PLD5: variants seen among roughly 807,000 people sequenced by gnomAD.
PLD5 encodes inactive phospholipase D5.
PLD5 carries 36 observed loss-of-function variants against 61.1 expected under a neutral mutation model. The observed-to-expected ratio is 0.59, with a 90% CI of 0.45 to 0.78. The LOEUF (loss-of-function observed/expected upper bound fraction) is 0.78. Ranked by LOEUF, PLD5 falls within the 30% of genes least tolerant of loss-of-function variation. PLD5 has a pLI of 0.00. For missense variants in PLD5, 515 were observed against 644.4 expected (o/e 0.80, Z 2.17); for synonymous variants, 243 against 242.8 (o/e 1.00, Z -0.01).
chr1:242,432,586 G>A (rs73135745), intron 1 of PLD5, among the ~76,000 whole-genome samples: 8,911 of 152,234 alleles, frequency 0.059, 848 homozygotes, highest in African/African-American at 0.2. Flanking sequence ...CAAGACACAC[G>A]GGTTTAAGTA....
At chr1:242,149,529 A>G (rs1340622061) in intron 5 of PLD5, among the ~76,000 whole-genome samples, 1 of 151,306 alleles carries the variant, frequency 6.6e-6, no homozygotes, top group Non-Finnish European at 1.5e-5. Context: ...AATATTCTGG[A>G]AGAGTTTGTG....
intron 1 of PLD5, among the ~76,000 whole-genome samples, chr1:242,517,905 T>G (rs1300335771): frequency 6.6e-6 from 1 of 152,182 alleles, no homozygotes; most frequent in Admixed American, 6.5e-5. Flanking sequence ...TTTTTTTTTA[T>G]GTCAATGAGT....
At chr1:242,236,918 G>A (rs1223717143) in intron 4 of PLD5, among the ~76,000 whole-genome samples, 1 of 152,134 alleles carries the variant, frequency 6.6e-6, no homozygotes, top group Non-Finnish European at 1.5e-5. Context: ...AGGAAGAATT[G>A]GGCTCACAAC....
intron 1 of PLD5, among the ~76,000 whole-genome samples, chr1:242,500,425 T>C (rs1187224041): frequency 1.3e-5 from 2 of 152,216 alleles, no homozygotes; most frequent in African/African-American, 2.4e-5. Context: ...CAAGAATAAA[T>C]GACCATCCCT....
chr1:242,197,737 C>G (rs1243759603), intron 5 of PLD5, among the ~76,000 whole-genome samples: 1 of 151,560 alleles, frequency 6.6e-6, no homozygotes, highest in African/African-American at 2.4e-5. Flanking sequence ...CGGGTTCAAG[C>G]AATTCTCCCG....
intron 1 of PLD5, among the ~76,000 whole-genome samples, chr1:242,402,713 TC>T (rs1444030595): frequency 2.0e-5 from 3 of 152,254 alleles, no homozygotes; most frequent in Non-Finnish European, 4.4e-5. Flanking sequence ...AATGCATTTT[TC>T]CTTCTAACAT....
intron 4 of PLD5, among the ~76,000 whole-genome samples, chr1:242,225,233 C>G (rs574986910): frequency 9.0e-4 from 136 of 151,614 alleles, no homozygotes; most frequent in Middle Eastern, 3.4e-3. Context: ...TTGTGTAGAA[C>G]AGTGGTTTGT....
chr1:242,288,645 C>A, intron 2 of PLD5, 115 bp from the exon 3 acceptor site: 2 of 1,426,904 alleles, frequency 1.4e-6, no homozygotes, highest in Non-Finnish European at 1.8e-6. Flanking sequence ...ATTCTGAATG[C>A]ATTCTCTCCT....
At chr1:242,218,914 T>C (rs1670389009) in intron 5 of PLD5, among the ~76,000 whole-genome samples, 5 of 152,194 alleles carry the variant, frequency 3.3e-5, no homozygotes, top group Admixed American at 6.5e-5. Context: ...TTTACATGCG[T>C]AGAAAAATGC....
intron 1 of PLD5, among the ~76,000 whole-genome samples, chr1:242,470,425 G>A (rs1667417093): frequency 6.6e-6 from 1 of 151,988 alleles, no homozygotes; most frequent in African/African-American, 2.4e-5. Flanking sequence ...GAATCCTACT[G>A]GCCTGGGTTT....
chr1:242,388,263 T>C (rs1342361), intron 1 of PLD5, among the ~76,000 whole-genome samples: 133,377 of 152,212 alleles, frequency 0.88, 58,836 homozygotes, highest in Non-Finnish European at 0.93. Context: ...GGAAAGTCAA[T>C]GCTTTAGGAA....
intron 4 of PLD5, among the ~76,000 whole-genome samples, chr1:242,230,715 G>A (rs2149035543): frequency 6.7e-6 from 1 of 148,638 alleles, no homozygotes; most frequent in South Asian, 2.2e-4. Flanking sequence ...TATTCCAGCT[G>A]TAAAAATAAA....
chr1:242,309,502 T>A (rs1676570719), intron 2 of PLD5, among the ~76,000 whole-genome samples: 1 of 151,358 alleles, frequency 6.6e-6, no homozygotes, highest in Non-Finnish European at 1.5e-5. Flanking sequence ...GCCTCCCGAG[T>A]AGCTGGGATT....
intron 1 of PLD5, among the ~76,000 whole-genome samples, chr1:242,517,639 T>C (rs181926895): frequency 9.8e-5 from 15 of 152,312 alleles, no homozygotes; most frequent in Admixed American, 9.8e-4. Context: ...GCAGTATTCT[T>C]ACACTATTAA....
intron 6 of PLD5, among the ~76,000 whole-genome samples, chr1:242,118,772 G>A (rs1430167586): frequency 6.6e-6 from 1 of 152,160 alleles, no homozygotes; most frequent in African/African-American, 2.4e-5. Flanking sequence ...ATTTGTATCA[G>A]TCCCCTTGCA....
intron 1 of PLD5, among the ~76,000 whole-genome samples, chr1:242,429,353 A>G (rs1471801210): frequency 6.6e-6 from 1 of 152,230 alleles, no homozygotes; most frequent in Non-Finnish European, 1.5e-5. Flanking sequence ...TTAGCAACCT[A>G]AGTTTAATTG....
chr1:242,154,138 G>A (rs1455377325), intron 5 of PLD5, among the ~76,000 whole-genome samples: 1 of 151,656 alleles, frequency 6.6e-6, no homozygotes, highest in Non-Finnish European at 1.5e-5. Flanking sequence ...CTCATGATTT[G>A]GCTGTTTGTC....
At chr1:242,221,103 G>A (rs1283293102) in intron 4 of PLD5, among the ~76,000 whole-genome samples, 1 of 152,138 alleles carries the variant, frequency 6.6e-6, no homozygotes, top group African/African-American at 2.4e-5. Context: ...TCAGACTATT[G>A]TTAATGCCAA....
At chr1:242,464,648 C>A (rs946567305) in intron 1 of PLD5, among the ~76,000 whole-genome samples, 1 of 152,180 alleles carries the variant, frequency 6.6e-6, no homozygotes, top group African/African-American at 2.4e-5. Flanking sequence ...TCCAGCAATT[C>A]CAACTCTAGG....
Sources: gnomAD v4.1 joint callset for allele counts (sites outside exome capture counted in the v4.1 genomes callset) on GRCh38, gnomAD v4.1.1 for gene constraint, MANE v1.5 for transcripts, NCBI Gene and HGNC (gene_info 2026-07-23, HGNC 2026-07-21) for gene names.